Variants in PPFIA3 observed in about 807,000 individuals in gnomAD.
PPFIA3 encodes the protein PPFI scaffold protein A3, also known as liprin-alpha-3.
In PPFIA3, 26 loss-of-function variants were observed where a neutral mutation model predicts 145.8. The observed-to-expected ratio is 0.18, with a 90% CI of 0.13 to 0.25. The LOEUF (loss-of-function observed/expected upper bound fraction) is 0.25, where lower values mean the gene tolerates loss of function less well. PPFIA3 is among the 10% of genes least tolerant of loss of function. The pLI, the probability that PPFIA3 is intolerant of heterozygous loss-of-function variation, is 1.00. For missense variants in PPFIA3, 1,008 were observed against 1,587.8 expected (o/e 0.63, Z 6.21); for synonymous variants, 645 against 661.4 (o/e 0.98, Z 0.38).
intron 1 of PPFIA3, among the ~76,000 whole-genome samples, chr19:49,121,957 A>G (rs998244224): frequency 6.6e-6 from 1 of 151,928 alleles, no homozygotes; most frequent in African/African-American, 2.4e-5. Context: ...CTTGTCGCAC[A>G]TGTGCTCTTG....
Position 49,134,066 on chromosome 19 carries a change from C to T in PPFIA3, c.1278C>T (p.His426=), listed in dbSNP as rs1167618505. The T allele has an allele frequency of 1.2e-6, 2 of 1,613,532 alleles. No homozygotes were observed. Among genetic ancestry groups the T allele is most frequent in the Admixed American group, 1.7e-5 (1 of 59,830 alleles). The change falls in exon 11 of 30, where the codon CAC becomes CAT. Residue 426 remains histidine, a synonymous_variant. Coordinates refer to ENST00000334186, the MANE Select transcript of PPFIA3 (RefSeq NM_003660.4). The stretch of plus-strand genomic sequence containing the variant: ...AGCGGGAGAAGATGAACGATGACCA[C>T]AATAAGCGGCTGTCCGAGACGGTGG... ...ARQREKMNDD[H]NKRLSETVDK...
At chr19:49,147,209 G>A (rs939407070) in intron 23 of PPFIA3, among the ~76,000 whole-genome samples, 2 of 152,104 alleles carry the variant, frequency 1.3e-5, no homozygotes, top group Non-Finnish European at 2.9e-5. Context: ...TCCTGACTTG[G>A]GGGTTTAGTG....
At chr19:49,129,538 T>G in intron 5 of PPFIA3, 84 bp downstream of exon 5, 1 of 1,418,610 alleles carries the variant, frequency 7.0e-7, no homozygotes, top group Non-Finnish European at 9.7e-7. Flanking sequence ...GTTGGGTGGG[T>G]TCCAGAGAGA....
chr19:49,136,695 A>G, intron 14 of PPFIA3, 29 bp from the exon 15 acceptor site: 1 of 1,369,528 alleles, frequency 7.3e-7, no homozygotes, highest in Non-Finnish European at 9.6e-7. Context: ...CCAGCCACCT[A>G]ATGTCCCTCT....
rs1304133845 is a variant in PPFIA3 at position 49,149,476 on chromosome 19, T to C, written c.3355-71T>C. On this transcript the variant is annotated intron_variant, in intron 27 of 29. Coordinates refer to ENST00000334186, the MANE Select transcript of PPFIA3 (RefSeq NM_003660.4). The surrounding 1 kb of genome is among the most constrained non-coding windows in gnomAD (Gnocchi z 5.7). ...AGGAGAGGTGAGACCCGGAGAGGGG[T>C]GGAGTCAAAGGAAGGGGCGGAGTCA... 1 of 1,590,850 alleles carries C rather than the reference T, an allele frequency of 6.3e-7. No individual in the cohort carries two copies. The highest frequency in any genetic ancestry group is 1.4e-5 in the African/African-American group (1 of 74,020).
At position 49,130,605 on chromosome 19, in the gene PPFIA3, G is replaced by GC. The variant is rs2041057606; in HGVS notation, c.879+11dup. On this transcript the variant is annotated splice_region_variant and intron_variant, in intron 7 of 29. Transcript: ENST00000334186. The surrounding 1 kb of genome is among the most constrained non-coding windows in gnomAD (Gnocchi z 4.5). Reference sequence around the variant, plus strand: ...TGCAGCGCGACCTCAAGGAGGTGAGGCCCCCAGGGAGGCGGGCTGCCCTGG... The same window carrying GC: ...TGCAGCGCGACCTCAAGGAGGTGAGGCCCCCCAGGGAGGCGGGCTGCCCTGG... 1 of 1,549,664 alleles carries GC rather than the reference G, an allele frequency of 6.5e-7. No individual in the cohort carries two copies. The highest frequency in any genetic ancestry group is 1.2e-5 in the South Asian group (1 of 84,096).
In PPFIA3 at chr19:49,148,649, C is replaced by G; in HGVS notation, c.3012-17C>G. The G allele has an allele frequency of 6.3e-7, 1 of 1,598,990 alleles. No homozygotes were observed. Among genetic ancestry groups the G allele is most frequent in the Non-Finnish European group, 8.6e-7 (1 of 1,166,898 alleles). On this transcript the variant is annotated splice_polypyrimidine_tract_variant and intron_variant, in intron 24 of 29. Transcript: ENST00000334186. ...ACTGGAAAGCTCATCCGTGACTCCA[C>G]TTCCCCTGCTGCTCAGGGTGAGTCT...
rs1321910410 is a variant in PPFIA3, at chr19:49,150,957, C to T, written c.*735C>T. The T allele has an allele frequency of 8.2e-6, 2 of 242,678 alleles. No individual in the cohort carries two copies. Among genetic ancestry groups the T allele is most frequent in the African/African-American group, 4.5e-5 (2 of 44,940 alleles). The allele number at this position is 242,678 out of a possible 1,614,324, so 15.0% of individuals were successfully genotyped here. On this transcript the variant is annotated 3_prime_UTR_variant, in exon 30 of 30. Coordinates refer to ENST00000334186, the MANE Select transcript of PPFIA3 (RefSeq NM_003660.4). Reference sequence around the variant, plus strand: ...GGGACGGTGGGGGAGCCCTCGCCCCCGACTCTCGGTCGGCCTCCCCGCCCC... The same window carrying T: ...GGGACGGTGGGGGAGCCCTCGCCCCTGACTCTCGGTCGGCCTCCCCGCCCC...
rs1471502631 is a variant in PPFIA3 at position 49,129,447 on chromosome 19, A to G, written c.575A>G (p.Asn192Ser). Residue 192 changes from asparagine (N) to serine (S), a missense_variant, in exon 5 of 30, where the codon AAT becomes AGT. Transcript: ENST00000334186. Reference sequence around the variant, plus strand: ...CTCGAGGAGGAGCTGGAACTGAGCAATCAGGAGGTGTGGGTGTGGCCAAGA... The same window carrying G: ...CTCGAGGAGGAGCTGGAACTGAGCAGTCAGGAGGTGTGGGTGTGGCCAAGA... ...AVLEEELELS[N>S]QETLNLREQL... 1.9e-6 allele frequency: 3 copies of G among 1,553,384 alleles called. No homozygotes were observed. The highest frequency in any genetic ancestry group is 2.6e-6 in the Non-Finnish European group (3 of 1,148,598).
intron 23 of PPFIA3, 120 bp from the exon 24 acceptor site, chr19:49,147,963 C>T: frequency 9.8e-7 from 1 of 1,021,310 alleles, no homozygotes; most frequent in South Asian, 1.6e-5. Context: ...AGAGATTGGT[C>T]ATTGTCCTAC....
chr19:49,150,326 G>T lies in PPFIA3; in HGVS notation c.*104G>T. 1.5e-6 allele frequency: 1 copy of T among 663,578 alleles called. No individual in the cohort carries two copies. Among genetic ancestry groups the T allele is most frequent in the Admixed American group, 3.0e-5 (1 of 33,832 alleles). The allele number at this position is 663,578 out of a possible 1,614,324, so 41.1% of individuals were successfully genotyped here. On this transcript the variant is annotated 3_prime_UTR_variant, in exon 30 of 30. Coordinates refer to ENST00000334186, the MANE Select transcript of PPFIA3 (RefSeq NM_003660.4). Reference sequence around the variant, plus strand: ...GCCTCGCCGGGGAGAGCGGGCGGGGGAGCTCGCGCCGAGGACTGGACCATC... The same window carrying T: ...GCCTCGCCGGGGAGAGCGGGCGGGGTAGCTCGCGCCGAGGACTGGACCATC...
At chr19:49,129,100 G>T in intron 4 of PPFIA3, 88 bp downstream of exon 4, 18 of 1,378,284 alleles carry the variant, frequency 1.3e-5, no homozygotes, top group Non-Finnish European at 1.6e-5. Context: ...GGCCGTGATT[G>T]GTTGGGGATG....
chr19:49,142,191 C>T, intron 20 of PPFIA3, 76 bp downstream of exon 20: 13 of 1,330,008 alleles, frequency 9.8e-6, no homozygotes, highest in Non-Finnish European at 1.4e-5. Context: ...GCTGCCTGGT[C>T]CTCCTGGCGC....
chr19:49,138,796 C>T (rs1330798997), intron 16 of PPFIA3, among the ~76,000 whole-genome samples: 1 of 151,924 alleles, frequency 6.6e-6, no homozygotes, highest in East Asian at 1.9e-4. Context: ...ATGGTGAAAC[C>T]CCCACCTCTA....
intron 20 of PPFIA3, 30 bp from the exon 21 acceptor site, chr19:49,142,774 C>A: frequency 6.3e-7 from 1 of 1,582,866 alleles, no homozygotes; most frequent in Non-Finnish European, 8.6e-7. Flanking sequence ...GTCCCTCTGT[C>A]CCCTCTGTCC....
At chr19:49,148,000 G>A in intron 23 of PPFIA3, 83 bp from the exon 24 acceptor site, 1 of 1,406,834 alleles carries the variant, frequency 7.1e-7, no homozygotes, top group Non-Finnish European at 9.7e-7. Context: ...ACCTTGGATT[G>A]GGAGGTTGGA....
chr19:49,139,629 CTT>C (rs760981658), intron 16 of PPFIA3, 37 bp from the exon 17 acceptor site: 19 of 1,529,878 alleles, frequency 1.2e-5, no homozygotes, highest in Non-Finnish European at 1.7e-5. Context: ...CGACATGACT[CTT>C]TGAACTCAAT....
chr19:49,144,503 C>T (rs570526665), intron 21 of PPFIA3, among the ~76,000 whole-genome samples: 5 of 151,994 alleles, frequency 3.3e-5, no homozygotes, highest in African/African-American at 9.7e-5. Context: ...CTCTTGAACC[C>T]GGGAGTTCGA....
At chr19:49,145,343 G>A (rs2041268193) in intron 21 of PPFIA3, among the ~76,000 whole-genome samples, 1 of 152,068 alleles carries the variant, frequency 6.6e-6, no homozygotes, top group Admixed American at 6.5e-5. Flanking sequence ...CACCACGCCT[G>A]GCCACAGTTG....
Sources: gnomAD v4.1 joint callset for allele counts (sites outside exome capture counted in the v4.1 genomes callset) on GRCh38, gnomAD v4.1.1 for gene constraint, Gnocchi (gnomAD v3.1) non-coding constraint, MANE v1.5 for transcripts, NCBI Gene and HGNC (gene_info 2026-07-23, HGNC 2026-07-21) for gene names.